The following LGSN variants were observed in gnomAD, a reference collection of about 807,000 sequenced individuals.
The protein encoded by LGSN is lengsin.
LGSN carries 21 observed loss-of-function variants against 19.5 expected under a neutral mutation model. That is an observed-to-expected ratio of 1.07 (90% CI 0.76 to 1.55). The LOEUF is 1.55. LGSN is among the 40% of genes most tolerant of loss of function. LGSN has a pLI of 0.00. For synonymous variants in LGSN, 257 were observed against 215.6 expected (o/e 1.19, Z -1.68); for missense variants, 673 against 608.5 (o/e 1.11, Z -1.12).
the LGSN span, among the ~76,000 whole-genome samples, chr6:63,376,056 C>T: frequency 1.3e-5 from 2 of 152,032 alleles, no homozygotes; most frequent in East Asian, 1.9e-4. Flanking sequence ...AGTCCAAACC[C>T]GTTCTAACAC....
At chr6:63,497,128 C>T in the LGSN span, among the ~76,000 whole-genome samples, 3 of 152,192 alleles carry the variant, frequency 2.0e-5, no homozygotes, top group Admixed American at 2.0e-4. Flanking sequence ...CACATCTCCA[C>T]ACCTGGCTAA....
chr6:63,313,271 T>G (rs961392166), intron 1 of LGSN, among the ~76,000 whole-genome samples: 1 of 152,086 alleles, frequency 6.6e-6, no homozygotes, highest in African/African-American at 2.4e-5. Flanking sequence ...CTTTGTATTT[T>G]GCAACCCAAG....
At chr6:63,419,720 T>G in the LGSN span, among the ~76,000 whole-genome samples, 1 of 149,892 alleles carries the variant, frequency 6.7e-6, no homozygotes, top group Non-Finnish European at 1.5e-5. Flanking sequence ...GAAACCCGTC[T>G]CTACTAAAAA....
chr6:63,361,655 C>G, the LGSN span, among the ~76,000 whole-genome samples: 2 of 152,164 alleles, frequency 1.3e-5, no homozygotes, highest in Non-Finnish European at 2.9e-5. Context: ...TGCACTGCAC[C>G]CACTGTCCTG....
the LGSN span, among the ~76,000 whole-genome samples, chr6:63,490,468 C>CGG: frequency 7.9e-5 from 12 of 152,314 alleles, no homozygotes; most frequent in African/African-American, 2.9e-4. Flanking sequence ...TAACCTTACC[C>CGG]TAACCAGAAT....
At chr6:63,392,924 T>TCCAG in the LGSN span, among the ~76,000 whole-genome samples, 1 of 147,072 alleles carries the variant, frequency 6.8e-6, no homozygotes, top group African/African-American at 2.5e-5. Context: ...TCTTGCTCTG[T>TCCAG]CGCCCAGGCT....
At chr6:63,498,038 C>T in the LGSN span, among the ~76,000 whole-genome samples, 1 of 151,118 alleles carries the variant, frequency 6.6e-6, no homozygotes, top group Non-Finnish European at 1.5e-5. Flanking sequence ...CTTGCCTCAG[C>T]CTCCCGAGTA....
chr6:63,541,064 A>C, the LGSN span, among the ~76,000 whole-genome samples: 7 of 151,884 alleles, frequency 4.6e-5, no homozygotes, highest in Non-Finnish European at 1.0e-4. Context: ...GAAGGGAGGG[A>C]AAGAAAGAAA....
chr6:63,569,154 G>A, the LGSN span, among the ~76,000 whole-genome samples: 1 of 152,148 alleles, frequency 6.6e-6, no homozygotes, highest in East Asian at 1.9e-4. Context: ...TACTAGATCT[G>A]CTGTTCTTGT....
At chr6:63,307,894 C>G (rs1214833825) in intron 1 of LGSN, among the ~76,000 whole-genome samples, 1 of 152,152 alleles carries the variant, frequency 6.6e-6, no homozygotes, top group Non-Finnish European at 1.5e-5. Context: ...ATCATGAAGG[C>G]ATATCAAGCA....
chr6:63,547,615 C>A, the LGSN span, among the ~76,000 whole-genome samples: 2 of 150,412 alleles, frequency 1.3e-5, no homozygotes, highest in Admixed American at 1.3e-4. Flanking sequence ...ATTCCATTCT[C>A]CTGCCTCAGC....
the LGSN span, among the ~76,000 whole-genome samples, chr6:63,399,533 T>G: frequency 2.6e-5 from 4 of 151,602 alleles, no homozygotes; most frequent in African/African-American, 9.7e-5. Context: ...TAGCTGGGAT[T>G]ACAGTTGCCT....
chr6:63,348,351 G>A, the LGSN span, among the ~76,000 whole-genome samples: 1 of 152,084 alleles, frequency 6.6e-6, no homozygotes, highest in Non-Finnish European at 1.5e-5. Flanking sequence ...CTACTCGGGA[G>A]GCTGAGGAAG....
chr6:63,525,594 G>C, the LGSN span, among the ~76,000 whole-genome samples: 1 of 152,084 alleles, frequency 6.6e-6, no homozygotes, highest in South Asian at 2.1e-4. Flanking sequence ...TCTCCTCTGC[G>C]TTCTGAAGCA....
chr6:63,460,366 G>A, the LGSN span, among the ~76,000 whole-genome samples: 2 of 151,934 alleles, frequency 1.3e-5, no homozygotes, highest in African/African-American at 4.8e-5. Flanking sequence ...AGTTTTCTGA[G>A]TGAAAGATAA....
chr6:63,462,478 CA>C, the LGSN span, among the ~76,000 whole-genome samples: 68 of 151,276 alleles, frequency 4.5e-4, no homozygotes, highest in African/African-American at 1.6e-3. Context: ...ACTAAAAATA[CA>C]AAAAAAAATC....
chr6:63,536,003 C>T, the LGSN span, among the ~76,000 whole-genome samples: 1 of 151,246 alleles, frequency 6.6e-6, no homozygotes, highest in African/African-American at 2.4e-5. Flanking sequence ...GAACTCGTGA[C>T]ATCAGGTGAT....
chr6:63,572,322 G>A, the LGSN span: 15 of 231,338 alleles, frequency 6.5e-5, no homozygotes, highest in Admixed American at 5.1e-4. Context: ...TTCATCAACC[G>A]GTTCACACCG....
At chr6:63,504,609 A>G in the LGSN span, among the ~76,000 whole-genome samples, 4 of 152,012 alleles carry the variant, frequency 2.6e-5, no homozygotes, top group Non-Finnish European at 5.9e-5. Context: ...TGCCCGTCTA[A>G]TTTTTTGAAT....
Sources: allele counts gnomAD v4.1 joint callset (sites outside exome capture counted in the v4.1 genomes callset), GRCh38; gene constraint gnomAD v4.1.1; transcripts MANE v1.5; gene names NCBI Gene and HGNC (gene_info 2026-07-23, HGNC 2026-07-21).